The following CPQ variants were observed in gnomAD, a reference collection of about 807,000 sequenced individuals.
CPQ encodes Ser-Met dipeptidase.
A neutral mutation model predicts 45.7 loss-of-function variants in CPQ; 37 were observed. The observed-to-expected ratio is 0.81, with a 90% CI of 0.62 to 1.07. CPQ has a LOEUF of 1.07. Among genes scored for constraint, CPQ ranks in the 50% least tolerant of loss-of-function variants. The pLI is 0.00. For missense variants in CPQ, 537 were observed against 572.9 expected (o/e 0.94, Z 0.64); for synonymous variants, 186 against 205.8 (o/e 0.90, Z 0.82).
In CPQ at chr8:96,707,999, C is replaced by T. The variant is rs1329673937; in HGVS notation, c.-35+62597C>T. Among the ~76,000 whole-genome samples the T allele has an allele frequency of 3.9e-5, 6 of 152,206 alleles. No individual in the cohort carries two copies. In the South Asian group the frequency reaches 1.2e-3, roughly 32 times the overall value. On this transcript the variant is annotated intron_variant, in intron 1 of 7. Transcript: ENST00000220763. ...CTCACTGGGCTAAAATCAAGGTGCCCTCAGGGCTGCTTTATTTTCTGGAGG... is the reference window on the plus strand; with the variant it reads ...CTCACTGGGCTAAAATCAAGGTGCCTTCAGGGCTGCTTTATTTTCTGGAGG...
chr8:96,648,831 G>A (rs1350122450), intron 1 of CPQ, among the ~76,000 whole-genome samples: 2 of 152,206 alleles, frequency 1.3e-5, no homozygotes, highest in Non-Finnish European at 2.9e-5. Context: ...GGAAAAGGAG[G>A]CAAGTATGAA....
At chr8:97,081,145 T>TC in intron 7 of CPQ, among the ~76,000 whole-genome samples, 1 of 152,194 alleles carries the variant, frequency 6.6e-6, no homozygotes, top group Non-Finnish European at 1.5e-5. Flanking sequence ...ATTATAAATA[T>TC]CATGTTTGAA....
intron 4 of CPQ, among the ~76,000 whole-genome samples, chr8:96,898,785 A>AT (rs947515457): frequency 5.9e-5 from 9 of 151,482 alleles, no homozygotes; most frequent in Non-Finnish European, 1.0e-4. Flanking sequence ...ATAAAAAAAA[A>AT]AAAAAAAAGT....
chr8:97,132,572 T>C (rs1035791389), intron 7 of CPQ, among the ~76,000 whole-genome samples: 5 of 152,206 alleles, frequency 3.3e-5, no homozygotes, highest in African/African-American at 9.7e-5. Context: ...GTAACCTCCT[T>C]GTGTTTGTAG....
At chr8:97,064,265 G>C (rs531811681) in intron 6 of CPQ, among the ~76,000 whole-genome samples, 3 of 152,112 alleles carry the variant, frequency 2.0e-5, no homozygotes, top group Non-Finnish European at 4.4e-5. Flanking sequence ...TTGCAGGAGA[G>C]GGAAAGGGTT....
chr8:96,692,609 CCA>C (rs1472631919), intron 1 of CPQ, among the ~76,000 whole-genome samples: 1 of 152,294 alleles, frequency 6.6e-6, no homozygotes, highest in East Asian at 1.9e-4. Context: ...TCCACAGGAG[CCA>C]CAGTTTTACT....
At chr8:96,847,893 C>CTTT (rs3036452) in intron 3 of CPQ, among the ~76,000 whole-genome samples, 5 of 67,348 alleles carry the variant, frequency 7.4e-5, no homozygotes, top group African/African-American at 1.2e-4. Flanking sequence ...ATGAAAAGAG[C>CTTT]TTTTTTTTTT....
chr8:97,099,165 C>G (rs1359517212), intron 7 of CPQ, among the ~76,000 whole-genome samples: 1 of 111,444 alleles, frequency 9.0e-6, no homozygotes, highest in African/African-American at 3.5e-5. Flanking sequence ...CACTCCGTTG[C>G]CCACTACCAG....
At chr8:96,827,648 G>C (rs1811396806) in intron 2 of CPQ, among the ~76,000 whole-genome samples, 1 of 151,964 alleles carries the variant, frequency 6.6e-6, no homozygotes, top group Non-Finnish European at 1.5e-5. Context: ...GGAACATAGA[G>C]CAATTTTACC....
At chr8:97,059,479 T>C (rs921549001) in intron 6 of CPQ, among the ~76,000 whole-genome samples, 1 of 152,104 alleles carries the variant, frequency 6.6e-6, no homozygotes, top group Admixed American at 6.6e-5. Context: ...CTCCCTTGGG[T>C]GCCCAAAGCT....
intron 1 of CPQ, among the ~76,000 whole-genome samples, chr8:96,743,548 C>T (rs1157022500): frequency 6.6e-6 from 1 of 152,114 alleles, no homozygotes; most frequent in Non-Finnish European, 1.5e-5. Flanking sequence ...GGAGGAGAGG[C>T]ACTCTGCTTT....
intron 3 of CPQ, among the ~76,000 whole-genome samples, chr8:96,878,274 A>G (rs1335888799): frequency 6.6e-6 from 1 of 152,142 alleles, no homozygotes; most frequent in East Asian, 1.9e-4. Context: ...CTTGCAGTCT[A>G]CTTTTTAGAA....
At chr8:97,109,680 C>T (rs1811467272) in intron 7 of CPQ, among the ~76,000 whole-genome samples, 1 of 152,072 alleles carries the variant, frequency 6.6e-6, no homozygotes, top group African/African-American at 2.4e-5. Flanking sequence ...TTTCAGACTC[C>T]TTGAATGATT....
chr8:96,853,512 G>A (rs2080242080), intron 3 of CPQ, among the ~76,000 whole-genome samples: 1 of 150,914 alleles, frequency 6.6e-6, no homozygotes, highest in South Asian at 2.1e-4. Flanking sequence ...AGCAATATAA[G>A]TTTATATTTT....
chr8:96,864,773 A>G lies in CPQ; in HGVS notation c.642-15025A>G, dbSNP rs1220840735. ...CTACTTGTTGTCTGTATTTTCAAACATAGGGAAATAAGCACCAATAGCTAA... is the reference window on the plus strand; with the variant it reads ...CTACTTGTTGTCTGTATTTTCAAACGTAGGGAAATAAGCACCAATAGCTAA... On this transcript the variant is annotated intron_variant, in intron 3 of 7. Transcript: ENST00000220763. Among the ~76,000 whole-genome samples the G allele has an allele frequency of 2.0e-5, 3 of 152,010 alleles. No individual in the cohort carries two copies. In the East Asian group the frequency reaches 5.8e-4, roughly 29 times the overall value.
chr8:97,096,078 T>C (rs1811206641), intron 7 of CPQ, among the ~76,000 whole-genome samples: 1 of 152,294 alleles, frequency 6.6e-6, no homozygotes, highest in East Asian at 1.9e-4. Flanking sequence ...ATGATGATGA[T>C]GATAGCTACA....
intron 4 of CPQ, among the ~76,000 whole-genome samples, chr8:96,954,564 G>C (rs1367712642): frequency 6.6e-6 from 1 of 151,764 alleles, no homozygotes; most frequent in Non-Finnish European, 1.5e-5. Context: ...TATCTATTAA[G>C]TTTTAAAAAT....
At chr8:96,789,710 G>A (rs1353041767) in intron 2 of CPQ, among the ~76,000 whole-genome samples, 1 of 152,172 alleles carries the variant, frequency 6.6e-6, no homozygotes, top group Non-Finnish European at 1.5e-5. Flanking sequence ...TTACCAGAAT[G>A]CAAATAATTT....
At chr8:96,656,349 AC>A (rs1179246723) in intron 1 of CPQ, among the ~76,000 whole-genome samples, 1 of 152,004 alleles carries the variant, frequency 6.6e-6, no homozygotes, top group Non-Finnish European at 1.5e-5. Flanking sequence ...CTTCGGGGAG[AC>A]CACTGGCTGA....
Sources: gnomAD v4.1 joint callset for allele counts (sites outside exome capture counted in the v4.1 genomes callset) on GRCh38, gnomAD v4.1.1 for gene constraint, MANE v1.5 for transcripts, NCBI Gene and HGNC (gene_info 2026-07-23, HGNC 2026-07-21) for gene names.